MYRFL: variants seen among roughly 807,000 people sequenced by gnomAD.
MYRFL encodes myelin regulatory factor-like protein.
MYRFL carries 88 observed loss-of-function variants against 109.4 expected under a neutral mutation model. That is an observed-to-expected ratio of 0.80 (90% CI 0.68 to 0.96). MYRFL has a LOEUF of 0.96. MYRFL is among the 40% of genes least tolerant of loss of function. The probability of loss-of-function intolerance (pLI) is 0.00; values close to 1 mark genes in which losing one functional copy is unlikely to be tolerated. For synonymous variants in MYRFL, 324 were observed against 320.9 expected (o/e 1.01, Z -0.10); for missense variants, 957 against 954.9 (o/e 1.00, Z -0.03).
chr12:69,853,521 G>C (rs544392541), intron 1 of MYRFL, among the ~76,000 whole-genome samples: 1 of 150,874 alleles, frequency 6.6e-6, no homozygotes, highest in Non-Finnish European at 1.5e-5. Flanking sequence ...CAGACGGGGC[G>C]GCGGGGCAGA....
intron 1 of MYRFL, among the ~76,000 whole-genome samples, chr12:69,848,965 G>A (rs1288186456): frequency 5.3e-5 from 8 of 152,196 alleles, no homozygotes; most frequent in South Asian, 4.1e-4. Flanking sequence ...TCTACCTCCC[G>A]GGTTCAAGTG....
intron 19 of MYRFL, among the ~76,000 whole-genome samples, chr12:69,944,653 G>A (rs143158804): frequency 0.01 from 1,530 of 151,714 alleles, 33 homozygotes; most frequent in African/African-American, 0.034. Flanking sequence ...CCTGCACAAT[G>A]TGCACATGTA....
intron 19 of MYRFL, among the ~76,000 whole-genome samples, chr12:69,948,338 T>C (rs763206397): frequency 1.3e-5 from 2 of 152,226 alleles, no homozygotes; most frequent in Non-Finnish European, 2.9e-5. Flanking sequence ...TATTGCTGTT[T>C]TTTAAAAAAA....
At chr12:69,861,264 G>C (rs1246122011) in intron 2 of MYRFL, among the ~76,000 whole-genome samples, 1 of 152,052 alleles carries the variant, frequency 6.6e-6, no homozygotes, top group South Asian at 2.1e-4. Flanking sequence ...TATATACCCA[G>C]TAATGGGATG....
chr12:69,852,797 GC>G (rs1883965241), intron 1 of MYRFL, among the ~76,000 whole-genome samples: 2 of 152,000 alleles, frequency 1.3e-5, no homozygotes, highest in African/African-American at 4.8e-5. Flanking sequence ...CTCTTAACGA[GC>G]GTGCTGCCTT....
chr12:69,863,168 A>T (rs1403606926), intron 2 of MYRFL, among the ~76,000 whole-genome samples: 2 of 151,734 alleles, frequency 1.3e-5, no homozygotes, highest in Non-Finnish European at 2.9e-5. Context: ...TTTATTGAGG[A>T]TTTTTGCATC....
intron 13 of MYRFL, among the ~76,000 whole-genome samples, chr12:69,916,752 C>T (rs1356280782): frequency 2.6e-5 from 4 of 152,122 alleles, no homozygotes; most frequent in African/African-American, 9.7e-5. Context: ...TCCCATAACC[C>T]CTGAATCCCA....
intron 7 of MYRFL, among the ~76,000 whole-genome samples, chr12:69,891,607 C>CTTTCTT (rs1886836459): frequency 1.2e-5 from 1 of 82,890 alleles, no homozygotes; most frequent in African/African-American, 6.1e-5. Flanking sequence ...CTTTCTTTCT[C>CTTTCTT]TTTCTTTCTT....
intron 11 of MYRFL, among the ~76,000 whole-genome samples, chr12:69,905,495 C>T (rs895211864): frequency 3.3e-5 from 5 of 152,220 alleles, no homozygotes; most frequent in Middle Eastern, 3.4e-3. Flanking sequence ...AATCCTGGTC[C>T]GTGGTTAGAA....
At chr12:69,830,077 G>T (rs1882534669) in intron 1 of MYRFL, among the ~76,000 whole-genome samples, 1 of 152,044 alleles carries the variant, frequency 6.6e-6, no homozygotes, top group Non-Finnish European at 1.5e-5. Flanking sequence ...AATGGCAAAT[G>T]ATCTAACACC....
At chr12:69,826,995 A>G (rs1201671502) in intron 1 of MYRFL, among the ~76,000 whole-genome samples, 1 of 152,076 alleles carries the variant, frequency 6.6e-6, no homozygotes, top group Non-Finnish European at 1.5e-5. Context: ...AGCTGAACTG[A>G]AGCTGATATT....
In MYRFL at chr12:69,957,943, G is replaced by T; in HGVS notation, c.2571+1G>T. 1.3e-6 allele frequency: 2 copies of T among 1,530,434 alleles called. No homozygotes were observed. The highest frequency in any genetic ancestry group is 1.7e-4 in the Middle Eastern group (1 of 5,972). The allele number at this position is 1,530,434 out of a possible 1,614,324, so 94.8% of individuals were successfully genotyped here. ...AGAAATCTCCCAGGAGATGACACAG[G>T]TAATGTTTTCTGCCTCCTCTCTTCC... On this transcript the variant is annotated splice_donor_variant, in intron 23 of 24. Transcript: ENST00000552032. LOFTEE classifies it high-confidence loss of function.
At chr12:69,831,799 A>T (rs965561169) in intron 1 of MYRFL, among the ~76,000 whole-genome samples, 5 of 152,158 alleles carry the variant, frequency 3.3e-5, no homozygotes, top group African/African-American at 1.2e-4. Context: ...TCCACATAGT[A>T]AGTGGCTGCA....
At chr12:69,950,895 A>G (rs147700981) in intron 19 of MYRFL, among the ~76,000 whole-genome samples, 303 of 152,370 alleles carry the variant, frequency 2.0e-3, no homozygotes, top group African/African-American at 6.3e-3. Flanking sequence ...GATAGGAAAT[A>G]AAACTATCAT....
At chr12:69,932,267 A>G (rs1361606827) in intron 15 of MYRFL, among the ~76,000 whole-genome samples, 1 of 152,232 alleles carries the variant, frequency 6.6e-6, no homozygotes, top group African/African-American at 2.4e-5. Flanking sequence ...CATTGTCTGC[A>G]GGATGTCTGG....
chr12:69,909,870 T>C, intron 11 of MYRFL, 99 bp from the exon 12 acceptor site: 2 of 840,328 alleles, frequency 2.4e-6, no homozygotes, highest in Non-Finnish European at 3.5e-6. Context: ...CAGCAAAATG[T>C]CCAAAAGCAA....
intron 20 of MYRFL, 85 bp downstream of exon 20, chr12:69,952,260 G>A (rs779113591): frequency 9.5e-6 from 12 of 1,264,090 alleles, no homozygotes; most frequent in Admixed American, 2.0e-5. Context: ...CTGGAGTGAG[G>A]AGCAGGGACA....
chr12:69,917,435 G>A (rs1005163191), intron 13 of MYRFL, among the ~76,000 whole-genome samples: 1 of 141,136 alleles, frequency 7.1e-6, no homozygotes, highest in African/African-American at 2.6e-5. Flanking sequence ...TTGTATGAGA[G>A]CAGAAATTTA....
intron 10 of MYRFL, among the ~76,000 whole-genome samples, chr12:69,902,762 G>A (rs1172255064): frequency 1.3e-5 from 2 of 152,238 alleles, no homozygotes; most frequent in Non-Finnish European, 2.9e-5. Context: ...AGGGAAGCAG[G>A]AAGGAAGGCA....
Sources: allele counts gnomAD v4.1 joint callset (sites outside exome capture counted in the v4.1 genomes callset), GRCh38; gene constraint gnomAD v4.1.1; transcripts MANE v1.5; gene names NCBI Gene and HGNC (gene_info 2026-07-23, HGNC 2026-07-21).